Variants in ATRNL1 observed in about 807,000 individuals in gnomAD.
ATRNL1 encodes attractin like 1.
In ATRNL1, 95 loss-of-function variants were observed where a neutral mutation model predicts 182.7. That is an observed-to-expected ratio of 0.52 (90% CI 0.44 to 0.62). The LOEUF is 0.62. ATRNL1 is among the 20% of genes least tolerant of loss of function. The probability of loss-of-function intolerance (pLI) is 0.00; values close to 1 mark genes in which losing one functional copy is unlikely to be tolerated. For missense variants in ATRNL1, 1,471 were observed against 1,679.5 expected (o/e 0.88, Z 2.17); for synonymous variants, 576 against 568.3 (o/e 1.01, Z -0.19).
intron 26 of ATRNL1, among the ~76,000 whole-genome samples, chr10:115,709,351 G>A (rs188025963): frequency 9.1e-4 from 138 of 151,996 alleles, no homozygotes; most frequent in Middle Eastern, 3.4e-3. Flanking sequence ...TGAAATATAT[G>A]TAATGAAGAG....
intron 26 of ATRNL1, among the ~76,000 whole-genome samples, chr10:115,569,297 T>C (rs1475477954): frequency 5.9e-5 from 9 of 152,162 alleles, no homozygotes; most frequent in Admixed American, 6.6e-5. Flanking sequence ...ACTCTTGATG[T>C]TTTTCTTTTT....
intron 24 of ATRNL1, among the ~76,000 whole-genome samples, chr10:115,486,868 T>C (rs562980765): frequency 6.6e-6 from 1 of 152,322 alleles, no homozygotes; most frequent in East Asian, 1.9e-4. Flanking sequence ...TTTATGGTTT[T>C]AGGTCTTACA....
intron 5 of ATRNL1, among the ~76,000 whole-genome samples, chr10:115,158,045 T>C (rs539543496): frequency 6.6e-6 from 1 of 152,050 alleles, no homozygotes; most frequent in South Asian, 2.1e-4. Flanking sequence ...TTTAAAGTTT[T>C]AGAAAAGTTA....
intron 9 of ATRNL1, among the ~76,000 whole-genome samples, chr10:115,219,231 CAA>C (rs78580406): frequency 5.8e-4 from 35 of 60,786 alleles, no homozygotes; most frequent in African/African-American, 9.6e-4. Context: ...GACTCCATCT[CAA>C]AAAAAAAAAA....
At chr10:115,877,944 A>G (rs1298790219) in intron 28 of ATRNL1, among the ~76,000 whole-genome samples, 1 of 152,230 alleles carries the variant, frequency 6.6e-6, no homozygotes, top group African/African-American at 2.4e-5. Context: ...GGATTCAGAC[A>G]GGAAGCAAAT....
chr10:115,768,168 C>T (rs1351784173), intron 27 of ATRNL1, among the ~76,000 whole-genome samples: 1 of 152,050 alleles, frequency 6.6e-6, no homozygotes, highest in African/African-American at 2.4e-5. Flanking sequence ...GTATAAATTG[C>T]TGAATCTCTT....
chr10:115,788,876 T>C (rs1345648301), intron 27 of ATRNL1, among the ~76,000 whole-genome samples: 1 of 152,250 alleles, frequency 6.6e-6, no homozygotes, highest in Non-Finnish European at 1.5e-5. Context: ...CTATTGCCAA[T>C]AATAACCTGC....
intron 8 of ATRNL1, among the ~76,000 whole-genome samples, chr10:115,207,238 G>C (rs1378922038): frequency 6.6e-6 from 1 of 152,082 alleles, no homozygotes; most frequent in East Asian, 1.9e-4. Context: ...GGTATTTCTA[G>C]TTCTAGATCC....
At chr10:115,736,310 A>G (rs1555065636) in intron 27 of ATRNL1, among the ~76,000 whole-genome samples, 2 of 151,972 alleles carry the variant, frequency 1.3e-5, no homozygotes, top group Non-Finnish European at 2.9e-5. Context: ...CCTGCTTTCT[A>G]CTATGTCCAT....
intron 25 of ATRNL1, among the ~76,000 whole-genome samples, chr10:115,543,120 G>A (rs1253100042): frequency 6.0e-5 from 9 of 150,896 alleles, no homozygotes; most frequent in Admixed American, 4.6e-4. Flanking sequence ...ATACCAGTTT[G>A]AGTTAGGTTT....
At chr10:115,321,446 T>C (rs1021191534) in intron 18 of ATRNL1, among the ~76,000 whole-genome samples, 1 of 152,182 alleles carries the variant, frequency 6.6e-6, no homozygotes, top group Non-Finnish European at 1.5e-5. Context: ...TTTATCATTG[T>C]GGTTTTTTAG....
intron 8 of ATRNL1, among the ~76,000 whole-genome samples, chr10:115,188,849 G>A (rs1049236953): frequency 1.3e-5 from 2 of 152,034 alleles, no homozygotes; most frequent in Non-Finnish European, 2.9e-5. Flanking sequence ...GGGAATTAGG[G>A]ATTTTTAATA....
intron 27 of ATRNL1, among the ~76,000 whole-genome samples, chr10:115,728,288 G>A (rs773552020): frequency 3.4e-4 from 36 of 105,442 alleles, no homozygotes; most frequent in Non-Finnish European, 6.0e-4. Context: ...GACAGAGTGG[G>A]ACTCCGCCTC....
At chr10:115,805,626 G>A (rs1293944014) in intron 27 of ATRNL1, among the ~76,000 whole-genome samples, 5 of 152,008 alleles carry the variant, frequency 3.3e-5, no homozygotes, top group Non-Finnish European at 7.4e-5. Flanking sequence ...GAACCAAAAA[G>A]CACCTTAAAC....
At chr10:115,846,939 A>G (rs909011826) in intron 27 of ATRNL1, among the ~76,000 whole-genome samples, 3 of 152,266 alleles carry the variant, frequency 2.0e-5, no homozygotes, top group Middle Eastern at 3.4e-3. Flanking sequence ...GTGGGTTTAA[A>G]TAAGTCAATA....
intron 26 of ATRNL1, among the ~76,000 whole-genome samples, chr10:115,553,921 A>G (rs994939570): frequency 6.6e-6 from 1 of 151,364 alleles, no homozygotes; most frequent in South Asian, 2.1e-4. Context: ...AAATTAAACT[A>G]CTCTTTTCTC....
intron 3 of ATRNL1, among the ~76,000 whole-genome samples, chr10:115,127,062 A>G (rs1335240524): frequency 5.9e-5 from 9 of 152,206 alleles, no homozygotes; most frequent in Admixed American, 2.6e-4. Flanking sequence ...TAAAGTCTAT[A>G]TAGTTTTAAA....
rs543304783 is a variant in ATRNL1 at position 115,808,314 on chromosome 10, C to CT, written c.3904-39561dup. Among the ~76,000 whole-genome samples, 50 of 152,184 alleles carry CT rather than the reference C, an allele frequency of 3.3e-4. 1 individual carries two copies. In the South Asian group the frequency reaches 8.3e-3, roughly 25 times the overall value. On this transcript the variant is annotated intron_variant, in intron 27 of 28. Transcript: ENST00000355044. ...ATGATGTCTTTTTCAGTGTAGAATA[C>CT]TTAAACCAGTGCTAGGAAGAAAGTT...
At chr10:115,765,270 T>G (rs1948829709) in intron 27 of ATRNL1, among the ~76,000 whole-genome samples, 1 of 152,172 alleles carries the variant, frequency 6.6e-6, no homozygotes, top group South Asian at 2.1e-4. Flanking sequence ...ACTTTACCAT[T>G]TTGCATTCCC....
Sources: allele counts gnomAD v4.1 joint callset (sites outside exome capture counted in the v4.1 genomes callset), GRCh38; gene constraint gnomAD v4.1.1; transcripts MANE v1.5; gene names NCBI Gene and HGNC (gene_info 2026-07-23, HGNC 2026-07-21).